Variants in AGBL1 observed in about 807,000 individuals in gnomAD.
AGBL1 encodes cytosolic carboxypeptidase 4.
AGBL1 carries 130 observed loss-of-function variants against 118.9 expected under a neutral mutation model. That is an observed-to-expected ratio of 1.09 (90% CI 0.95 to 1.26). The LOEUF (loss-of-function observed/expected upper bound fraction) is 1.26. AGBL1 is among the 50% of genes most tolerant of loss of function. The pLI, the probability that AGBL1 is intolerant of heterozygous loss-of-function variation, is 0.00. For synonymous variants in AGBL1, 555 were observed against 478.9 expected (o/e 1.16, Z -2.08); for missense variants, 1,584 against 1,298.1 (o/e 1.22, Z -3.38).
chr15:86,824,091 CAAAT>C (rs895102059), intron 22 of AGBL1, among the ~76,000 whole-genome samples: 76 of 151,940 alleles, frequency 5.0e-4, no homozygotes, highest in African/African-American at 1.7e-3. Context: ...AAGAAAAAAA[CAAAT>C]AAAAGAAATA....
intron 18 of AGBL1, among the ~76,000 whole-genome samples, chr15:86,405,123 T>C (rs2081505850): frequency 6.6e-6 from 1 of 152,194 alleles, no homozygotes; most frequent in Non-Finnish European, 1.5e-5. Context: ...AGTTTTAATT[T>C]TTTTGAGTAG....
At position 86,848,131 on chromosome 15, in the gene AGBL1, A is replaced by T. The variant is rs140288936; in HGVS notation, c.3159-58956A>T. Among the ~76,000 whole-genome samples the T allele has an allele frequency of 2.8e-4, 43 of 152,166 alleles. No individual in the cohort carries two copies. In the East Asian group the frequency reaches 7.0e-3, roughly 25 times the overall value. The stretch of plus-strand genomic sequence containing the variant: ...CCACTCTGTTAGAACTATTATGTCA[A>T]TTGAGTGGGGGACAGGAAGTGGGAG... On this transcript the variant is annotated intron_variant, in intron 22 of 22. Coordinates refer to ENST00000614907, the MANE Select transcript of AGBL1 (RefSeq NM_001386094.1).
chr15:86,269,483 G>C (rs2079122754), intron 13 of AGBL1, among the ~76,000 whole-genome samples: 1 of 152,022 alleles, frequency 6.6e-6, no homozygotes, highest in Non-Finnish European at 1.5e-5. Flanking sequence ...TTAATAAAAA[G>C]GTGTGCTAAT....
chr15:86,330,831 G>A (rs905612910), intron 17 of AGBL1, among the ~76,000 whole-genome samples: 1 of 152,150 alleles, frequency 6.6e-6, no homozygotes, highest in Non-Finnish European at 1.5e-5. Flanking sequence ...AAATACAATT[G>A]AAAGCTTTAT....
At position 86,640,395 on chromosome 15, in the gene AGBL1, A is replaced by G. The variant is rs547392777; in HGVS notation, c.2995-33878A>G. Among the ~76,000 whole-genome samples the G allele has an allele frequency of 4.6e-5, 7 of 152,308 alleles. No individual in the cohort carries two copies. The South Asian group carries it at 1.5e-3, about 32-fold the overall frequency. ...TTAGAAATAGAAATGAGATAATAGA[A>G]GAAACCATTGTTAATATTTTACCAC... On this transcript the variant is annotated intron_variant, in intron 21 of 22. Coordinates refer to ENST00000614907, the MANE Select transcript of AGBL1 (RefSeq NM_001386094.1).
At chr15:86,897,122 T>A (rs1289466604) in intron 22 of AGBL1, among the ~76,000 whole-genome samples, 1 of 152,240 alleles carries the variant, frequency 6.6e-6, no homozygotes, top group East Asian at 1.9e-4. Context: ...GTAGAGAACA[T>A]TAAAATCAGT....
chr15:86,569,010 GT>G lies in AGBL1; in HGVS notation c.2994+14484del, dbSNP rs112532814. Among the ~76,000 whole-genome samples, 104 of 144,270 alleles carry G rather than the reference GT, an allele frequency of 7.2e-4. No individual in the cohort carries two copies. In the Middle Eastern group the frequency reaches 0.011, roughly 15 times the overall value. 94.6% of individuals were successfully genotyped at this position (144,270 alleles called of 152,430 possible). On this transcript the variant is annotated intron_variant, in intron 21 of 22. Transcript: ENST00000614907. The stretch of plus-strand genomic sequence containing the variant: ...CCAACATTTTAATGTTACATAAACT[GT>G]TTTTTTTTTTCACTCCCATATTCTC...
chr15:86,688,816 A>AGTTATTCCC (rs2086109636), intron 22 of AGBL1, among the ~76,000 whole-genome samples: 1 of 152,152 alleles, frequency 6.6e-6, no homozygotes, highest in African/African-American at 2.4e-5. Flanking sequence ...CCACAATCAC[A>AGTTATTCCC]GTTATTCCCA....
chr15:86,758,887 T>G (rs2077980507), intron 22 of AGBL1, among the ~76,000 whole-genome samples: 2 of 149,104 alleles, frequency 1.3e-5, no homozygotes, highest in Admixed American at 6.7e-5. Context: ...GTGGGAGGAT[T>G]GTTTGAGCCT....
intron 18 of AGBL1, among the ~76,000 whole-genome samples, chr15:86,478,214 G>A (rs961160746): frequency 1.3e-5 from 2 of 152,166 alleles, no homozygotes; most frequent in African/African-American, 4.8e-5. Context: ...TGAACATAGT[G>A]TTGGAAGTTC....
At chr15:86,603,769 A>T (rs1451314393) in intron 21 of AGBL1, among the ~76,000 whole-genome samples, 6 of 152,234 alleles carry the variant, frequency 3.9e-5, no homozygotes, top group Non-Finnish European at 8.8e-5. Flanking sequence ...GTGAAAGCTT[A>T]TCCTTTAGTG....
At chr15:86,659,359 G>A (rs550206479) in intron 21 of AGBL1, among the ~76,000 whole-genome samples, 36 of 152,232 alleles carry the variant, frequency 2.4e-4, no homozygotes, top group Non-Finnish European at 3.7e-4. Flanking sequence ...ATTTGAAGCC[G>A]GGAGACTTTT....
chr15:86,556,223 T>A (rs1411949439), intron 21 of AGBL1: 4 of 1,612,138 alleles, frequency 2.5e-6, no homozygotes, highest in Non-Finnish European at 3.4e-6. Flanking sequence ...TACTGTGCAG[T>A]GTACACAGAG....
intron 24 of AGBL1, among the ~76,000 whole-genome samples, chr15:87,002,833 C>T (rs2081454612): frequency 6.6e-6 from 1 of 152,062 alleles, no homozygotes; most frequent in Non-Finnish European, 1.5e-5. Flanking sequence ...GATTTTATAT[C>T]CTGAGACTTT....
rs574789432 is a variant in AGBL1 at position 86,674,345 on chromosome 15, C to G, written c.3067C>G (p.Leu1023Val). ...MFCLGLLILE[L>V]KSASCSHQLL... ...CTGTTTGGGCCTCCTCATCCTGGAG[C>G]TCAAATCTGCCAGCTGCAGCCATCA... The change falls in exon 22 of 23, where the codon CTC becomes GTC. Residue 1023 changes from leucine to valine, a missense_variant. By Grantham distance (32) the Leu-to-Val change is conservative. Transcript: ENST00000614907. 1 of 1,612,364 alleles carries G rather than the reference C, an allele frequency of 6.2e-7. No individual in the cohort carries two copies. The highest frequency in any genetic ancestry group is 1.3e-5 in the African/African-American group (1 of 74,890).
intron 24 of AGBL1, among the ~76,000 whole-genome samples, chr15:86,991,345 G>C (rs1236509541): frequency 2.1e-5 from 2 of 94,588 alleles, no homozygotes; most frequent in East Asian, 6.9e-4. Context: ...AATTCCCTCA[G>C]CATCTGAACT....
intron 21 of AGBL1, among the ~76,000 whole-genome samples, chr15:86,600,565 T>C (rs2084477515): frequency 6.6e-6 from 1 of 152,110 alleles, no homozygotes; most frequent in African/African-American, 2.4e-5. Context: ...CAGTATGGGA[T>C]GGGTTTACTC....
At chr15:86,809,862 G>C (rs2078764620) in intron 22 of AGBL1, among the ~76,000 whole-genome samples, 1 of 152,122 alleles carries the variant, frequency 6.6e-6, no homozygotes, top group Non-Finnish European at 1.5e-5. Context: ...CTCTGGACCT[G>C]GCTTTGGGCT....
intron 21 of AGBL1, among the ~76,000 whole-genome samples, chr15:86,627,539 T>C (rs2084906111): frequency 6.6e-6 from 1 of 152,094 alleles, no homozygotes; most frequent in Non-Finnish European, 1.5e-5. Flanking sequence ...TAAGCCTCAG[T>C]GGGAAAACGA....
Sources: gnomAD v4.1 joint callset for allele counts (sites outside exome capture counted in the v4.1 genomes callset) on GRCh38, gnomAD v4.1.1 for gene constraint, MANE v1.5 for transcripts, NCBI Gene and HGNC (gene_info 2026-07-23, HGNC 2026-07-21) for gene names.